Variants in ADAM2 observed in about 807,000 individuals in gnomAD.
ADAM2 encodes disintegrin and metalloproteinase domain-containing protein 2.
Under a neutral mutation model 99.3 loss-of-function variants are expected in ADAM2, and 101 were observed. That is an observed-to-expected ratio of 1.02 (90% CI 0.87 to 1.20). ADAM2 has a LOEUF of 1.20. ADAM2 is among the 50% of genes most tolerant of loss of function. The pLI, the probability that ADAM2 is intolerant of heterozygous loss-of-function variation, is 0.00. For missense variants in ADAM2, 948 were observed against 878.7 expected (o/e 1.08, Z -1.00); for synonymous variants, 323 against 287.6 (o/e 1.12, Z -1.25).
intron 12 of ADAM2, among the ~76,000 whole-genome samples, chr8:39,769,135 A>G (rs1586072376): frequency 6.6e-6 from 1 of 152,342 alleles, no homozygotes; most frequent in East Asian, 1.9e-4. Flanking sequence ...ATTGTCAGCT[A>G]TACCTCAAGA....
intron 5 of ADAM2, 70 bp from the exon 6 acceptor site, chr8:39,821,240 G>T: frequency 9.3e-7 from 1 of 1,077,452 alleles, no homozygotes; most frequent in Non-Finnish European, 1.3e-6. Flanking sequence ...ATGCCACTTA[G>T]CATTATTTTT....
At chr8:39,785,031 T>G (rs1803403742) in intron 10 of ADAM2, among the ~76,000 whole-genome samples, 1 of 152,228 alleles carries the variant, frequency 6.6e-6, no homozygotes, top group Non-Finnish European at 1.5e-5. Flanking sequence ...TATTTCTTGT[T>G]GTGCAGCAGC....
chr8:39,744,637 G>T (rs1242425578), intron 20 of ADAM2, among the ~76,000 whole-genome samples, 193 bp downstream of exon 20: 1 of 152,096 alleles, frequency 6.6e-6, no homozygotes, highest in Non-Finnish European at 1.5e-5. Flanking sequence ...CCTGTCGGGG[G>T]TTGGGAGGCA....
At chr8:39,800,342 G>C (rs547002302) in intron 7 of ADAM2, among the ~76,000 whole-genome samples, 1 of 152,248 alleles carries the variant, frequency 6.6e-6, no homozygotes, top group Admixed American at 6.5e-5. Flanking sequence ...TAAGAATGTT[G>C]AATATTGGCT....
intron 14 of ADAM2, among the ~76,000 whole-genome samples, chr8:39,761,836 C>A (rs1802381763): frequency 6.6e-6 from 1 of 152,294 alleles, no homozygotes; most frequent in Non-Finnish European, 1.5e-5. Flanking sequence ...AACCCCAGGA[C>A]TTTGGGAGGC....
At chr8:39,794,566 T>TA (rs1803857488) in intron 7 of ADAM2, among the ~76,000 whole-genome samples, 1 of 152,140 alleles carries the variant, frequency 6.6e-6, no homozygotes, top group Admixed American at 6.6e-5. Context: ...GACTGGTAGT[T>TA]AAAGATCGAC....
intron 2 of ADAM2, among the ~76,000 whole-genome samples, chr8:39,835,785 A>G (rs1805798863): frequency 6.6e-6 from 1 of 152,058 alleles, no homozygotes; most frequent in Non-Finnish European, 1.5e-5. Flanking sequence ...TTATGTTTAT[A>G]GTATTTGTTG....
intron 7 of ADAM2, among the ~76,000 whole-genome samples, chr8:39,800,329 CT>C (rs1412534941): frequency 6.6e-6 from 1 of 152,120 alleles, no homozygotes; most frequent in Non-Finnish European, 1.5e-5. Flanking sequence ...AAATTCTTTT[CT>C]TTAAGAATGT....
intron 7 of ADAM2, among the ~76,000 whole-genome samples, chr8:39,797,015 G>A (rs1387028919): frequency 1.3e-5 from 2 of 152,102 alleles, no homozygotes; most frequent in Non-Finnish European, 2.9e-5. Context: ...TCACTCTGAT[G>A]ATAGTTTCTT....
intron 7 of ADAM2, among the ~76,000 whole-genome samples, chr8:39,805,310 G>T (rs902670166): frequency 6.6e-6 from 1 of 152,010 alleles, no homozygotes; most frequent in Non-Finnish European, 1.5e-5. Context: ...AGTGACTAGG[G>T]GATCTAAAGG....
intron 6 of ADAM2, among the ~76,000 whole-genome samples, chr8:39,819,480 C>T (rs1271272130): frequency 2.0e-5 from 3 of 152,072 alleles, no homozygotes; most frequent in African/African-American, 4.8e-5. Flanking sequence ...GGCTGGGCCA[C>T]TGTGCCCAGA....
chr8:39,751,845 T>G (rs1379882941), intron 16 of ADAM2, among the ~76,000 whole-genome samples: 1 of 152,110 alleles, frequency 6.6e-6, no homozygotes, highest in African/African-American at 2.4e-5. Flanking sequence ...TACTCTTTTT[T>G]TTTTTGAGAT....
intron 7 of ADAM2, among the ~76,000 whole-genome samples, chr8:39,789,028 A>G (rs1221418027): frequency 1.3e-5 from 2 of 151,554 alleles, no homozygotes; most frequent in Admixed American, 1.3e-4. Flanking sequence ...AATTATTAAA[A>G]GAAAAGTTTA....
intron 3 of ADAM2, among the ~76,000 whole-genome samples, chr8:39,826,711 A>AGAAAAAAAAAAAACAAAAAAACC (rs1805416799): frequency 6.6e-6 from 1 of 151,002 alleles, no homozygotes; most frequent in African/African-American, 2.4e-5. Flanking sequence ...CTACAGAGCG[A>AGAAAAAAAAAAAACAAAAAAACC]GAAAAAAAAA....
chr8:39,759,571 C>T (rs1045181805), intron 15 of ADAM2, among the ~76,000 whole-genome samples: 5 of 151,968 alleles, frequency 3.3e-5, no homozygotes, highest in Admixed American at 3.3e-4. Context: ...TCAAGATAAA[C>T]ACATGGATAT....
chr8:39,797,232 G>A (rs1803999933), intron 7 of ADAM2, among the ~76,000 whole-genome samples: 2 of 152,292 alleles, frequency 1.3e-5, no homozygotes, highest in South Asian at 4.1e-4. Context: ...TGTATAAGGT[G>A]TAAGGAAGGG....
intron 14 of ADAM2, among the ~76,000 whole-genome samples, chr8:39,763,532 T>C (rs141001242): frequency 6.6e-6 from 1 of 152,366 alleles, no homozygotes; most frequent in African/African-American, 2.4e-5. Flanking sequence ...GTGATGCATG[T>C]ACTGGCATGT....
intron 7 of ADAM2, among the ~76,000 whole-genome samples, chr8:39,796,155 T>C (rs976226433): frequency 9.2e-5 from 14 of 152,024 alleles, no homozygotes; most frequent in African/African-American, 3.4e-4. Context: ...GGTGGTTTCC[T>C]ACACCTATTG....
chr8:39,759,386 A>T (rs968352595), intron 15 of ADAM2, among the ~76,000 whole-genome samples: 5 of 152,170 alleles, frequency 3.3e-5, no homozygotes, highest in African/African-American at 1.2e-4. Flanking sequence ...TAAAAACAAA[A>T]ATGTTCCAAA....
Sources: allele counts gnomAD v4.1 joint callset (sites outside exome capture counted in the v4.1 genomes callset), GRCh38; gene constraint gnomAD v4.1.1; transcripts MANE v1.5; gene names NCBI Gene and HGNC (gene_info 2026-07-23, HGNC 2026-07-21).